ULK4: variants seen among roughly 807,000 people sequenced by gnomAD.
ULK4 encodes inactive serine/threonine-protein kinase ULK4.
A neutral mutation model predicts 160.6 loss-of-function variants in ULK4; 133 were observed. That is an observed-to-expected ratio of 0.83 (90% CI 0.72 to 0.96). The LOEUF is 0.96. ULK4 is among the 40% of genes least tolerant of loss of function. The probability of loss-of-function intolerance (pLI) is 0.00; values close to 1 mark genes in which losing one functional copy is unlikely to be tolerated. For missense variants in ULK4, 1,580 were observed against 1,499.5 expected (o/e 1.05, Z -0.89); for synonymous variants, 534 against 539.8 (o/e 0.99, Z 0.15).
intron 27 of ULK4, among the ~76,000 whole-genome samples, chr3:41,704,663 G>T (rs2036804158): frequency 6.6e-6 from 1 of 152,142 alleles, no homozygotes; most frequent in South Asian, 2.1e-4. Context: ...AGCATCTACT[G>T]AGTAGAGGTC....
At chr3:41,265,211 C>A (rs1009423541) in intron 35 of ULK4, among the ~76,000 whole-genome samples, 4 of 152,222 alleles carry the variant, frequency 2.6e-5, no homozygotes, top group Admixed American at 2.6e-4. Context: ...CCACAGGGGG[C>A]CACGGCCAGC....
At chr3:41,711,853 A>G (rs553669125) in intron 25 of ULK4, among the ~76,000 whole-genome samples, 100 of 152,314 alleles carry the variant, frequency 6.6e-4, no homozygotes, top group African/African-American at 2.3e-3. Context: ...TCCCAGCCCA[A>G]TTCAATGGAG....
intron 27 of ULK4, among the ~76,000 whole-genome samples, chr3:41,691,138 A>G (rs2036282729): frequency 6.6e-6 from 1 of 151,950 alleles, no homozygotes; most frequent in Admixed American, 6.6e-5. Flanking sequence ...AGAGTTTGGT[A>G]TATGACCTTC....
At chr3:41,399,359 A>G (rs555975612) in intron 34 of ULK4, among the ~76,000 whole-genome samples, 3 of 152,290 alleles carry the variant, frequency 2.0e-5, no homozygotes, top group African/African-American at 7.2e-5. Context: ...TTGTCTTTAT[A>G]TAGTTGAGTT....
chr3:41,622,582 T>C (rs867701532), intron 30 of ULK4, among the ~76,000 whole-genome samples: 9 of 152,028 alleles, frequency 5.9e-5, no homozygotes, highest in Middle Eastern at 3.4e-3. Context: ...GGGAACATCA[T>C]ACACCAGGGC....
At chr3:41,273,969 C>A (rs1156476803) in intron 35 of ULK4, among the ~76,000 whole-genome samples, 1 of 152,128 alleles carries the variant, frequency 6.6e-6, no homozygotes, top group African/African-American at 2.4e-5. Flanking sequence ...CTACCTTAAC[C>A]TGCAAAACCG....
intron 16 of ULK4, among the ~76,000 whole-genome samples, chr3:41,889,838 T>A (rs1420441644): frequency 6.6e-6 from 1 of 152,214 alleles, no homozygotes; most frequent in African/African-American, 2.4e-5. Flanking sequence ...TTATTCATAA[T>A]AGCCAAATGT....
At chr3:41,509,109 T>C (rs1255826840) in intron 32 of ULK4, among the ~76,000 whole-genome samples, 3 of 152,122 alleles carry the variant, frequency 2.0e-5, no homozygotes, top group East Asian at 3.9e-4. Flanking sequence ...TTCAATGACA[T>C]AGATAGCATA....
chr3:41,912,059 G>A (rs1253762365), intron 9 of ULK4, among the ~76,000 whole-genome samples: 1 of 151,658 alleles, frequency 6.6e-6, no homozygotes, highest in Non-Finnish European at 1.5e-5. Context: ...CAGGCATGGT[G>A]GCTCACGCCT....
chr3:41,502,150 A>G (rs752669244), intron 32 of ULK4, among the ~76,000 whole-genome samples: 2 of 152,230 alleles, frequency 1.3e-5, no homozygotes, highest in African/African-American at 2.4e-5. Flanking sequence ...TAATGCTGCA[A>G]TAAATATGGG....
At chr3:41,800,064 T>G in intron 20 of ULK4, 68 bp downstream of exon 20, 5 of 1,335,880 alleles carry the variant, frequency 3.7e-6, no homozygotes, top group Non-Finnish European at 5.0e-6. Context: ...ATTCTTATTC[T>G]AATATTTTCT....
chr3:41,329,131 A>C (rs560036557), intron 35 of ULK4, among the ~76,000 whole-genome samples: 2 of 152,312 alleles, frequency 1.3e-5, no homozygotes, highest in Admixed American at 6.5e-5. Context: ...ATTCCATTTG[A>C]ATTACTTAGT....
rs2039222078 is a variant in ULK4 at position 41,767,932 on chromosome 3, C to T, written c.2194-13444G>A. 2.6e-5 allele frequency among the ~76,000 whole-genome samples: 4 copies of T among 152,198 alleles called. No homozygotes were observed. In the South Asian group the frequency reaches 8.3e-4, roughly 32 times the overall value. ...GTTTATTGCAGGAGTCCCCAACCCC[C>T]AGGCCACAGACCAGTACTGGCCTGT... On this transcript the variant is annotated intron_variant, in intron 21 of 36. Coordinates refer to ENST00000301831, the MANE Select transcript of ULK4 (RefSeq NM_017886.4).
chr3:41,659,261 G>A (rs1283699370), intron 30 of ULK4, among the ~76,000 whole-genome samples: 1 of 152,144 alleles, frequency 6.6e-6, no homozygotes. Context: ...TTTCACCTCT[G>A]CATAGGAATA....
intron 35 of ULK4, among the ~76,000 whole-genome samples, chr3:41,315,693 T>C (rs1391085264): frequency 6.6e-6 from 1 of 152,098 alleles, no homozygotes; most frequent in Non-Finnish European, 1.5e-5. Context: ...CAGGGCTCAG[T>C]CTCTCATCAG....
intron 32 of ULK4, among the ~76,000 whole-genome samples, chr3:41,519,867 A>C (rs893859805): frequency 1.3e-5 from 2 of 152,204 alleles, no homozygotes; most frequent in African/African-American, 4.8e-5. Flanking sequence ...TTTGTAGCCA[A>C]AATAGCTGGC....
At chr3:41,959,890 A>T (rs1414216931) in intron 1 of ULK4, among the ~76,000 whole-genome samples, 1 of 152,232 alleles carries the variant, frequency 6.6e-6, no homozygotes, top group Non-Finnish European at 1.5e-5. Context: ...ACTAAGCCAG[A>T]AAAAATATAA....
chr3:41,883,674 C>T (rs1318282591), intron 17 of ULK4, among the ~76,000 whole-genome samples, 200 bp downstream of exon 17: 1 of 152,156 alleles, frequency 6.6e-6, no homozygotes, highest in Non-Finnish European at 1.5e-5. Flanking sequence ...TCTGCTGTGC[C>T]ATTTTAATGA....
chr3:41,537,844 CAG>C (rs1253262745), intron 32 of ULK4, among the ~76,000 whole-genome samples: 1 of 151,788 alleles, frequency 6.6e-6, no homozygotes, highest in Non-Finnish European at 1.5e-5. Context: ...TTCCACAAAA[CAG>C]AGTTAGCCTA....
Sources: gnomAD v4.1 joint callset for allele counts (sites outside exome capture counted in the v4.1 genomes callset) on GRCh38, gnomAD v4.1.1 for gene constraint, MANE v1.5 for transcripts, NCBI Gene and HGNC (gene_info 2026-07-23, HGNC 2026-07-21) for gene names.